SLC31A2: variants seen among roughly 807,000 people sequenced by gnomAD.
The protein encoded by SLC31A2 is solute carrier family 31 member 2, also known as protein SLC31A2.
In SLC31A2, 16 loss-of-function variants were observed where a neutral mutation model predicts 14.4. That is an observed-to-expected ratio of 1.11 (90% CI 0.75 to 1.69). The LOEUF is 1.69. Among genes scored for constraint, SLC31A2 ranks in the 40% most tolerant of loss-of-function variants. The pLI is 0.00. For synonymous variants in SLC31A2, 56 were observed against 68.7 expected (o/e 0.82, Z 0.91); for missense variants, 140 against 173.9 (o/e 0.81, Z 1.10).
At chr9:113,161,728 G>A (rs761689237) in intron 3 of SLC31A2, 30 bp downstream of exon 3, 52 of 1,609,128 alleles carry the variant, frequency 3.2e-5, no homozygotes, top group Non-Finnish European at 4.3e-5. Flanking sequence ...GAAAGGGGCA[G>A]AAGCCTCACA....
intron 1 of SLC31A2, among the ~76,000 whole-genome samples, chr9:113,155,478 A>G (rs117049186): frequency 0.025 from 3,852 of 152,330 alleles, 55 homozygotes; most frequent in Middle Eastern, 0.037. Context: ...CTGGCACAGA[A>G]TAATCAGTGT....
Position 113,162,801 on chromosome 9 carries a change from A to T in SLC31A2, c.316A>T (p.Ile106Phe), listed in dbSNP as rs773064007. ...QSLIHVIQVV[I>F]GYFIMLAVMS... Reference sequence around the variant, plus strand: ...TCTAATCCATGTCATCCAGGTGGTCATCGGCTACTTCATCATGCTGGCCGT... The same window carrying T: ...TCTAATCCATGTCATCCAGGTGGTCTTCGGCTACTTCATCATGCTGGCCGT... Residue 106 changes from isoleucine to phenylalanine, a missense_variant, in exon 4 of 4, where the codon ATC becomes TTC. Coordinates refer to ENST00000259392, the MANE Select transcript of SLC31A2 (RefSeq NM_001860.3). 2 of 1,613,872 alleles carry T rather than the reference A, an allele frequency of 1.2e-6. No homozygotes were observed. Among genetic ancestry groups the T allele is most frequent in the South Asian group, 1.1e-5 (1 of 91,070 alleles).
rs1318930309 is a variant in SLC31A2, at chr9:113,151,194, G to T, written c.6+114G>T. The T allele has an allele frequency of 1.8e-6, 2 of 1,118,478 alleles. No homozygotes were observed. Among genetic ancestry groups the T allele is most frequent in the Non-Finnish European group, 2.3e-6 (2 of 868,640 alleles). 69.3% of individuals were successfully genotyped at this position (1,118,478 alleles called of 1,614,324 possible). Reference sequence around the variant, plus strand: ...CGCTGGCCCGGGGCTGGTGAAGGGTGTGTTGGCAGCATTGCCAACAGCTGG... The same window carrying T: ...CGCTGGCCCGGGGCTGGTGAAGGGTTTGTTGGCAGCATTGCCAACAGCTGG... On this transcript the variant is annotated intron_variant, in intron 1 of 3. Coordinates refer to ENST00000259392, the MANE Select transcript of SLC31A2 (RefSeq NM_001860.3). This position sits in a 1 kb window ranked among gnomAD's most constrained non-coding sequence, Gnocchi z 4.2.
chr9:113,162,066 C>G, intron 3 of SLC31A2: 1 of 358,102 alleles, frequency 2.8e-6, no homozygotes, highest in Non-Finnish European at 5.3e-6. Flanking sequence ...TGTCCTGAAG[C>G]AATGTATCCC....
At position 113,163,758 on chromosome 9, in the gene SLC31A2, C is replaced by T. The variant is rs896814816; in HGVS notation, c.*841C>T. ...GGGTGTCTGGGAAGCTCTTCGTGGC[C>T]TCAATGCCCTCCTTTATCCTCATCT... is the stretch of plus-strand genomic sequence containing the variant. On this transcript the variant is annotated 3_prime_UTR_variant, in exon 4 of 4. Coordinates refer to ENST00000259392, the MANE Select transcript of SLC31A2 (RefSeq NM_001860.3). The T allele has an allele frequency of 6.6e-6, 1 of 152,564 alleles. No individual in the cohort carries two copies. Among genetic ancestry groups the T allele is most frequent in the Non-Finnish European group, 1.5e-5 (1 of 68,048 alleles). 9.5% of individuals were successfully genotyped at this position (152,564 alleles called of 1,614,324 possible).
intron 1 of SLC31A2, chr9:113,156,271 A>G: frequency 2.4e-6 from 1 of 420,630 alleles, no homozygotes; most frequent in South Asian, 1.7e-5. Flanking sequence ...GCTTATAAGG[A>G]GGTCCGGCAA....
In SLC31A2 at chr9:113,161,703, A is replaced by G; in HGVS notation, c.263+5A>G. The G allele has an allele frequency of 6.2e-7, 1 of 1,613,458 alleles. No homozygotes were observed. The highest frequency in any genetic ancestry group is 8.5e-7 in the Non-Finnish European group (1 of 1,179,550). On this transcript the variant is annotated splice_donor_5th_base_variant and intron_variant, in intron 3 of 3. Transcript: ENST00000259392. ...TGTTGGCAGAACCCACCACAGGTACAGGCAGTGGGTATGGGAAAGGGGCAG... is the reference window on the plus strand; with the variant it reads ...TGTTGGCAGAACCCACCACAGGTACGGGCAGTGGGTATGGGAAAGGGGCAG...
chr9:113,160,134 G>C (rs1829989042), intron 2 of SLC31A2, among the ~76,000 whole-genome samples: 1 of 152,052 alleles, frequency 6.6e-6, no homozygotes, highest in South Asian at 2.1e-4. Context: ...TCCAGGAGGT[G>C]GAGGTTGCAG....
At chr9:113,158,085 C>T (rs1388781931) in intron 2 of SLC31A2, 1 of 518,274 alleles carries the variant, frequency 1.9e-6, no homozygotes, top group South Asian at 1.5e-5. Flanking sequence ...GAGACTCGTG[C>T]AGGGTCACAC....
chr9:113,155,561 T>G (rs918047643), intron 1 of SLC31A2, among the ~76,000 whole-genome samples: 2 of 152,200 alleles, frequency 1.3e-5, no homozygotes, highest in Non-Finnish European at 2.9e-5. Context: ...TATGAGATTC[T>G]TTCCCACAGG....
intron 1 of SLC31A2, among the ~76,000 whole-genome samples, chr9:113,157,070 C>T (rs2118829666): frequency 6.6e-6 from 1 of 152,332 alleles, no homozygotes; most frequent in South Asian, 2.1e-4. Flanking sequence ...GTGGAGCAAG[C>T]ACCCTCTGAA....
chr9:113,164,136 T>A lies in SLC31A2; in HGVS notation c.*1219T>A, dbSNP rs990331384. 6.6e-6 allele frequency: 1 copy of A among 152,646 alleles called. No individual in the cohort carries two copies. The highest frequency in any genetic ancestry group is 1.9e-4 in the East Asian group (1 of 5,206). The allele number at this position is 152,646 out of a possible 1,614,324, so 9.5% of individuals were successfully genotyped here. A position where few individuals can be genotyped will look rare whatever the true frequency, so the allele number is the denominator to read the frequency against. On this transcript the variant is annotated 3_prime_UTR_variant, in exon 4 of 4. Transcript: ENST00000259392. ...ATTTTAGTAAATATATATTTTTAAA[T>A]AGTCTATGACTGTTCTGTTCTCCTA... is the stretch of plus-strand genomic sequence containing the variant.
rs184491376 is a variant in SLC31A2, at chr9:113,158,223, A to G, written c.73+430A>G. On this transcript the variant is annotated intron_variant, in intron 2 of 3. Transcript: ENST00000259392. ...AGCAGCTGCTGGAGATGAGACACCA[A>G]TTTGAAAGGAAAGAATATTCCTTTG... 2.5e-4 allele frequency: 88 copies of G among 351,974 alleles called. No homozygotes were observed. In the East Asian group the frequency reaches 6.5e-3, roughly 26 times the overall value. 21.8% of individuals were successfully genotyped at this position (351,974 alleles called of 1,614,324 possible).
At chr9:113,159,938 G>A (rs1248163518) in intron 2 of SLC31A2, among the ~76,000 whole-genome samples, 1 of 152,236 alleles carries the variant, frequency 6.6e-6, no homozygotes, top group Non-Finnish European at 1.5e-5. Context: ...ACTTTGGGAG[G>A]CCGAGGCGAG....
rs769535330 is a variant in SLC31A2, at chr9:113,162,884, C to G, written c.399C>G (p.Tyr133Ter). 3.7e-6 allele frequency: 6 copies of G among 1,612,638 alleles called. No homozygotes were observed. The highest frequency in any genetic ancestry group is 4.2e-6 in the Non-Finnish European group (5 of 1,179,576). ...TGGTCTTGGGCTCTGCTGTGGGCTA[C>G]TACCTAGCTTACCCACTTCTCAGCA... The part of the protein sequence containing the change: ...LGVVLGSAVG[Y>*]YLAYPLLSTA Residue 133 changes from tyrosine to a stop codon, truncating the protein, a stop_gained, in exon 4 of 4, where the codon TAC becomes TAG. Coordinates refer to ENST00000259392, the MANE Select transcript of SLC31A2 (RefSeq NM_001860.3). LOFTEE classifies it high-confidence loss of function.
chr9:113,161,911 G>T, intron 3 of SLC31A2: 1 of 668,506 alleles, frequency 1.5e-6, no homozygotes, highest in South Asian at 1.6e-5. Flanking sequence ...CCAGCCACTT[G>T]AGAGGCTCAG....
chr9:113,153,198 T>C (rs1829890842), intron 1 of SLC31A2, among the ~76,000 whole-genome samples: 1 of 151,586 alleles, frequency 6.6e-6, no homozygotes, highest in Non-Finnish European at 1.5e-5. Context: ...TTCTTTTCGG[T>C]ACTGTGTCAG....
intron 2 of SLC31A2, 178 bp from the exon 3 acceptor site, chr9:113,161,331 C>G: frequency 1.6e-6 from 1 of 629,002 alleles, no homozygotes; most frequent in Non-Finnish European, 2.7e-6. Flanking sequence ...GATCTCAAAG[C>G]CACACTCCAG....
Position 113,162,784 on chromosome 9 carries a change from A to G in SLC31A2, c.299A>G (p.His100Arg), listed in dbSNP as rs1266412105. The G allele has an allele frequency of 6.2e-7, 1 of 1,613,630 alleles. No homozygotes were observed. The highest frequency in any genetic ancestry group is 8.5e-7 in the Non-Finnish European group (1 of 1,179,776). ...YLCHFGQSLI[H>R]VIQVVIGYFI... ...TGTCACTTTGGCCAGTCTCTAATCC[A>G]TGTCATCCAGGTGGTCATCGGCTAC... The change falls in exon 4 of 4, where the codon CAT (histidine) becomes CGT (arginine). Residue 100 changes from histidine to arginine, a missense_variant. Physicochemically the swap from His to Arg is conservative, Grantham distance 29. Coordinates refer to ENST00000259392, the MANE Select transcript of SLC31A2 (RefSeq NM_001860.3).
Sources: allele counts gnomAD v4.1 joint callset (sites outside exome capture counted in the v4.1 genomes callset), GRCh38; gene constraint gnomAD v4.1.1; non-coding constraint Gnocchi (gnomAD v3.1); transcripts MANE v1.5; gene names NCBI Gene and HGNC (gene_info 2026-07-23, HGNC 2026-07-21).